Variants in CTNNA3 observed in about 807,000 individuals in gnomAD.
The protein encoded by CTNNA3 is catenin alpha-3.
Under a neutral mutation model 95.7 loss-of-function variants are expected in CTNNA3, and 76 were observed. The ratio of observed to expected loss-of-function variants is 0.79; its 90% CI spans 0.66 to 0.96. CTNNA3 has a LOEUF of 0.96. Ranked by LOEUF, CTNNA3 falls within the 40% of genes least tolerant of loss-of-function variation. The pLI, the probability that CTNNA3 is intolerant of heterozygous loss-of-function variation, is 0.00. For synonymous variants in CTNNA3, 431 were observed against 374.4 expected (o/e 1.15, Z -1.74); for missense variants, 1,191 against 1,089.8 (o/e 1.09, Z -1.31).
intron 11 of CTNNA3, among the ~76,000 whole-genome samples, chr10:66,381,395 A>G (rs139979885): frequency 1.4e-3 from 210 of 152,328 alleles, no homozygotes; most frequent in African/African-American, 5.0e-3. Flanking sequence ...ATGTGCCTCA[A>G]TTAGAGATTC....
chr10:67,678,122 GA>G (rs1232235470), intron 1 of CTNNA3, among the ~76,000 whole-genome samples: 1 of 151,660 alleles, frequency 6.6e-6, no homozygotes, highest in Non-Finnish European at 1.5e-5. Context: ...AAAAATAACA[GA>G]AAAAAACAAA....
At chr10:66,166,510 A>T (rs1268232748) in intron 13 of CTNNA3, among the ~76,000 whole-genome samples, 7 of 151,590 alleles carry the variant, frequency 4.6e-5, no homozygotes, top group African/African-American at 1.7e-4. Context: ...AAAAAAAAAA[A>T]AAAAAAAAGA....
intron 7 of CTNNA3, among the ~76,000 whole-genome samples, chr10:66,804,263 C>T (rs1380773749): frequency 1.3e-5 from 2 of 151,912 alleles, no homozygotes; most frequent in African/African-American, 4.8e-5. Flanking sequence ...AGCAGTTAGT[C>T]TAGGTTTTAT....
intron 12 of CTNNA3, among the ~76,000 whole-genome samples, chr10:66,336,172 T>A (rs1351198216): frequency 6.6e-6 from 1 of 152,074 alleles, no homozygotes; most frequent in Non-Finnish European, 1.5e-5. Flanking sequence ...TGACCCCTTG[T>A]GCTTCCCGGG....
At chr10:66,334,642 T>C (rs1331648199) in intron 12 of CTNNA3, among the ~76,000 whole-genome samples, 2 of 152,028 alleles carry the variant, frequency 1.3e-5, no homozygotes, top group Non-Finnish European at 2.9e-5. Context: ...GTAACCCGAC[T>C]TTTCTCTCTG....
In CTNNA3 at chr10:66,067,214, C is replaced by T. The variant is rs146327869; in HGVS notation, c.2159+2094G>A. On this transcript the variant is annotated intron_variant, in intron 15 of 17. Transcript: ENST00000433211. ...AAAAATATTATTCTAAAACGATCTCCATCTCTCTGTGTAATTGTACTAGTC... is the reference window on the plus strand; with the variant it reads ...AAAAATATTATTCTAAAACGATCTCTATCTCTCTGTGTAATTGTACTAGTC... Among the ~76,000 whole-genome samples the T allele has an allele frequency of 2.2e-3, 338 of 152,258 alleles. 3 individuals carry two copies. The East Asian group carries it at 0.023, about 11-fold the overall frequency.
chr10:67,108,850 C>T (rs1166166024), intron 7 of CTNNA3, among the ~76,000 whole-genome samples: 7 of 151,978 alleles, frequency 4.6e-5, no homozygotes, highest in African/African-American at 7.2e-5. Context: ...GTATATATGT[C>T]AAATAAAATT....
intron 9 of CTNNA3, among the ~76,000 whole-genome samples, chr10:66,643,925 C>A (rs1205351776): frequency 6.6e-6 from 1 of 152,064 alleles, no homozygotes; most frequent in Admixed American, 6.6e-5. Context: ...GAGAACATTT[C>A]AGCTGTGCCA....
intron 7 of CTNNA3, among the ~76,000 whole-genome samples, chr10:66,853,711 G>A (rs976136842): frequency 6.6e-6 from 1 of 152,028 alleles, no homozygotes; most frequent in African/African-American, 2.4e-5. Flanking sequence ...CTAAACAAAT[G>A]TTAAGACAAA....
chr10:67,302,155 A>G (rs184933366), intron 5 of CTNNA3, among the ~76,000 whole-genome samples: 2 of 152,314 alleles, frequency 1.3e-5, no homozygotes, highest in African/African-American at 4.8e-5. Flanking sequence ...AGGTGAAATA[A>G]GCCAGGGCAC....
chr10:66,394,328 T>C (rs756446486), intron 11 of CTNNA3, among the ~76,000 whole-genome samples: 4 of 151,986 alleles, frequency 2.6e-5, no homozygotes, highest in Non-Finnish European at 5.9e-5. Flanking sequence ...TACTTAGCTA[T>C]TCTGGTGTAG....
At chr10:66,408,216 T>A (rs1303220449) in intron 11 of CTNNA3, among the ~76,000 whole-genome samples, 1 of 152,178 alleles carries the variant, frequency 6.6e-6, no homozygotes, top group Non-Finnish European at 1.5e-5. Flanking sequence ...TTTTCAAATA[T>A]TTTTTATCCT....
At chr10:66,195,589 G>T (rs978205350) in intron 13 of CTNNA3, among the ~76,000 whole-genome samples, 2 of 152,202 alleles carry the variant, frequency 1.3e-5, no homozygotes, top group Non-Finnish European at 2.9e-5. Context: ...AAGCAGACCA[G>T]ATGGTCCAGG....
At chr10:66,763,879 T>C (rs902400288) in intron 9 of CTNNA3, among the ~76,000 whole-genome samples, 1 of 152,202 alleles carries the variant, frequency 6.6e-6, no homozygotes, top group East Asian at 1.9e-4. Flanking sequence ...CCATTTAGCA[T>C]GTCCGGACTA....
intron 17 of CTNNA3, among the ~76,000 whole-genome samples, chr10:65,934,919 A>T (rs2077312014): frequency 1.3e-5 from 2 of 152,134 alleles, no homozygotes. Context: ...GGGGCTTAGT[A>T]GTGCAGAACT....
At chr10:66,736,335 G>A (rs915710444) in intron 9 of CTNNA3, among the ~76,000 whole-genome samples, 4 of 151,420 alleles carry the variant, frequency 2.6e-5, no homozygotes, top group Non-Finnish European at 2.9e-5. Flanking sequence ...ACAGGCGCAC[G>A]CCGCCACACC....
At chr10:67,413,020 A>G (rs1180981645) in intron 5 of CTNNA3, among the ~76,000 whole-genome samples, 2 of 152,132 alleles carry the variant, frequency 1.3e-5, no homozygotes, top group African/African-American at 4.8e-5. Flanking sequence ...TAAATGGGCT[A>G]AACAGCCCAC....
chr10:66,690,952 G>A (rs1847505110), intron 9 of CTNNA3, among the ~76,000 whole-genome samples: 1 of 152,284 alleles, frequency 6.6e-6, no homozygotes, highest in Non-Finnish European at 1.5e-5. Context: ...GCGTAAAAGT[G>A]TTCCTATTTC....
chr10:66,324,315 A>G (rs1275526398), intron 12 of CTNNA3, among the ~76,000 whole-genome samples: 2 of 152,104 alleles, frequency 1.3e-5, no homozygotes, highest in East Asian at 3.9e-4. Context: ...GCGAGACTGC[A>G]TCTCAAAAAA....
Sources: gnomAD v4.1 joint callset for allele counts (sites outside exome capture counted in the v4.1 genomes callset) on GRCh38, gnomAD v4.1.1 for gene constraint, MANE v1.5 for transcripts, NCBI Gene and HGNC (gene_info 2026-07-23, HGNC 2026-07-21) for gene names.